The following CTNNA2 variants were observed in gnomAD, a reference collection of about 807,000 sequenced individuals.
The protein encoded by CTNNA2 is catenin alpha-2.
In CTNNA2, 42 loss-of-function variants were observed where a neutral mutation model predicts 101.0. That is an observed-to-expected ratio of 0.42 (90% CI 0.32 to 0.54). The LOEUF (loss-of-function observed/expected upper bound fraction) is 0.54, where lower values mean the gene tolerates loss of function less well. Among genes scored for constraint, CTNNA2 ranks in the 20% least tolerant of loss-of-function variants. The pLI is 0.14. For synonymous variants in CTNNA2, 450 were observed against 456.4 expected, an observed-to-expected ratio of 0.99 and a Z score of 0.18; for missense variants, 871 against 1,223.1, an observed-to-expected ratio of 0.71 and a Z score of 4.29.
At chr2:80,206,402 C>T (rs1009483860) in intron 7 of CTNNA2, among the ~76,000 whole-genome samples, 2 of 152,194 alleles carry the variant, frequency 1.3e-5, no homozygotes. Context: ...TGGGGCTAAA[C>T]TGAATATATG....
intron 6 of CTNNA2, among the ~76,000 whole-genome samples, chr2:79,882,154 A>G (rs938303906): frequency 1.3e-5 from 2 of 152,110 alleles, no homozygotes; most frequent in Non-Finnish European, 2.9e-5. Context: ...TCTGGCTTGT[A>G]GAGTTTCTGC....
At position 80,589,529 on chromosome 2, in the gene CTNNA2, C is replaced by T. The variant is rs1390823187; in HGVS notation, c.2189+44C>T. 6 of 1,589,166 alleles carry T rather than the reference C, an allele frequency of 3.8e-6. No homozygotes were observed. In the Admixed American group the frequency reaches 6.8e-5, roughly 18 times the overall value. The stretch of plus-strand genomic sequence containing the variant: ...GAGCTGAAGATTTTTTCATTAAACC[C>T]AGAAGTGTAGCAGTGTGTATTAGCA... On this transcript the variant is annotated intron_variant, in intron 15 of 18. Coordinates refer to ENST00000402739, the MANE Select transcript of CTNNA2 (RefSeq NM_001282597.3).
intron 1 of CTNNA2, among the ~76,000 whole-genome samples, chr2:79,630,197 C>A (rs111900513): frequency 2.6e-5 from 4 of 152,154 alleles, no homozygotes; most frequent in Non-Finnish European, 5.9e-5. Context: ...TTCACTCACC[C>A]AGGTGCTTCC....
chr2:80,101,509 A>T (rs1700543166), intron 7 of CTNNA2, among the ~76,000 whole-genome samples: 1 of 152,208 alleles, frequency 6.6e-6, no homozygotes, highest in African/African-American at 2.4e-5. Context: ...CCTGAAGTGA[A>T]TACATTTGTT....
At chr2:80,643,615 C>G (rs1250234433) in intron 18 of CTNNA2, among the ~76,000 whole-genome samples, 1 of 152,090 alleles carries the variant, frequency 6.6e-6, no homozygotes, top group African/African-American at 2.4e-5. Flanking sequence ...TAATTCAGGT[C>G]AGCTTGAGGA....
chr2:79,967,227 A>G (rs1271241207), intron 7 of CTNNA2, among the ~76,000 whole-genome samples: 2 of 151,652 alleles, frequency 1.3e-5, no homozygotes, highest in African/African-American at 2.4e-5. Flanking sequence ...TGTTTTTTGA[A>G]TCAAGACTGC....
chr2:79,725,232 CAT>C (rs1686757413), intron 2 of CTNNA2, among the ~76,000 whole-genome samples: 1 of 152,106 alleles, frequency 6.6e-6, no homozygotes, highest in Non-Finnish European at 1.5e-5. Context: ...GATATTTAAA[CAT>C]AAAATAAAAG....
chr2:79,202,847 T>C (rs1198017265), intron 2 of CTNNA2, among the ~76,000 whole-genome samples: 1 of 152,124 alleles, frequency 6.6e-6, no homozygotes, highest in African/African-American at 2.4e-5. Context: ...CCATATTTCA[T>C]CCCCAAAAGG....
chr2:79,576,890 A>G (rs956418659), intron 1 of CTNNA2, among the ~76,000 whole-genome samples: 18 of 152,190 alleles, frequency 1.2e-4, no homozygotes, highest in African/African-American at 4.3e-4. Flanking sequence ...AAGGCCTACT[A>G]AAAACTATTC....
intron 4 of CTNNA2, among the ~76,000 whole-genome samples, chr2:79,378,537 C>T (rs553126824): frequency 7.4e-4 from 113 of 152,228 alleles, no homozygotes; most frequent in Non-Finnish European, 1.4e-3. Context: ...TACCTAACAA[C>T]ATGGAAAATA....
chr2:79,483,857 T>C (rs1436767513), intron 4 of CTNNA2, among the ~76,000 whole-genome samples: 2 of 152,254 alleles, frequency 1.3e-5, no homozygotes, highest in Non-Finnish European at 2.9e-5. Flanking sequence ...TTGTGAATTA[T>C]GCTGCTATAA....
At chr2:80,132,941 G>C (rs979340113) in intron 7 of CTNNA2, among the ~76,000 whole-genome samples, 2 of 152,152 alleles carry the variant, frequency 1.3e-5, no homozygotes, top group Non-Finnish European at 2.9e-5. Context: ...GTTATGGATT[G>C]AACTGTGTGC....
At chr2:80,184,234 ATATT>A (rs1234331207) in intron 7 of CTNNA2, among the ~76,000 whole-genome samples, 1 of 152,170 alleles carries the variant, frequency 6.6e-6, no homozygotes, top group Non-Finnish European at 1.5e-5. Context: ...TACATTCTGT[ATATT>A]TATTAGGAAA....
intron 4 of CTNNA2, among the ~76,000 whole-genome samples, chr2:79,481,300 T>C (rs923591353): frequency 6.6e-6 from 1 of 152,192 alleles, no homozygotes; most frequent in Non-Finnish European, 1.5e-5. Flanking sequence ...TATATTTTAA[T>C]GAAAAGACAA....
At chr2:79,323,207 C>T (rs1676664283) in intron 3 of CTNNA2, among the ~76,000 whole-genome samples, 1 of 152,172 alleles carries the variant, frequency 6.6e-6, no homozygotes. Flanking sequence ...AGTTATTCCC[C>T]TTCTCAGAAA....
intron 1 of CTNNA2, among the ~76,000 whole-genome samples, chr2:79,641,956 C>T (rs1215777161): frequency 1.3e-5 from 2 of 152,018 alleles, no homozygotes; most frequent in Admixed American, 1.3e-4. Context: ...TTTCTTTTTA[C>T]TCAGCAAACT....
intron 7 of CTNNA2, among the ~76,000 whole-genome samples, chr2:80,009,756 G>GTGTGTGTC (rs367758452): frequency 0.072 from 10,590 of 147,878 alleles, 485 homozygotes; most frequent in Non-Finnish European, 0.11. Flanking sequence ...GTGTGTCAGA[G>GTGTGTGTC]AGAGAGACAG....
At chr2:79,591,791 G>T (rs777839939) in intron 1 of CTNNA2, among the ~76,000 whole-genome samples, 2 of 152,092 alleles carry the variant, frequency 1.3e-5, no homozygotes, top group African/African-American at 4.8e-5. Flanking sequence ...TGTGTCTTAC[G>T]TATGAGGAGA....
chr2:80,209,466 C>T (rs574448502), intron 7 of CTNNA2, among the ~76,000 whole-genome samples: 5 of 152,084 alleles, frequency 3.3e-5, no homozygotes, highest in African/African-American at 2.4e-5. Context: ...GCTGAGAGTA[C>T]AGGCTTGAGC....
Sources: gnomAD v4.1 joint callset for allele counts (sites outside exome capture counted in the v4.1 genomes callset) on GRCh38, gnomAD v4.1.1 for gene constraint, MANE v1.5 for transcripts, NCBI Gene and HGNC (gene_info 2026-07-23, HGNC 2026-07-21) for gene names.